Variants in SDK2 observed in about 807,000 individuals in gnomAD.
The protein encoded by SDK2 is sidekick cell adhesion molecule 2.
A neutral mutation model predicts 253.9 loss-of-function variants in SDK2; 105 were observed. The ratio of observed to expected loss-of-function variants is 0.41; its 90% CI spans 0.35 to 0.49. The LOEUF (loss-of-function observed/expected upper bound fraction) is 0.49. SDK2 is among the 20% of genes least tolerant of loss of function. The probability of loss-of-function intolerance (pLI) is 0.06; values close to 1 mark genes in which losing one functional copy is unlikely to be tolerated. For missense variants in SDK2, 2,608 were observed against 3,003.0 expected, an observed-to-expected ratio of 0.87 and a Z score of 3.07; for synonymous variants, 1,249 against 1,234.9, an observed-to-expected ratio of 1.01 and a Z score of -0.24.
intron 40 of SDK2, among the ~76,000 whole-genome samples, chr17:73,355,174 A>ATATATATATATATATATATTTTTTTT: frequency 8.5e-5 from 4 of 47,234 alleles, no homozygotes; most frequent in African/African-American, 4.9e-4. Context: ...ATATATATAT[A>ATATATATATATATATATATTTTTTTT]TTTTTTTTTT....
chr17:73,500,122 CTCCATCCTCCA>C lies in SDK2; in HGVS notation c.224+7305_224+7315del, dbSNP rs556135969. 6.2e-3 allele frequency among the ~76,000 whole-genome samples: 924 copies of C among 148,742 alleles called. 7 individuals carry two copies. The highest frequency in any genetic ancestry group is 0.046 in the Middle Eastern group (13 of 280). ...CTCCGTCCATCCTCCCTCCATTCTC[CTCCATCCTCCA>C]TCCATCCTCCCTCCACTCTCCTCCA... On this transcript the variant is annotated intron_variant, in intron 2 of 44. Coordinates refer to ENST00000392650, the MANE Select transcript of SDK2 (RefSeq NM_001144952.2).
chr17:73,351,471 T>C (rs1189411574), intron 41 of SDK2, among the ~76,000 whole-genome samples: 1 of 152,110 alleles, frequency 6.6e-6, no homozygotes, highest in Non-Finnish European at 1.5e-5. Context: ...CCTAAATCTG[T>C]GTGGGGAAAG....
chr17:73,482,387 G>T (rs2063731276), intron 2 of SDK2, among the ~76,000 whole-genome samples: 1 of 152,230 alleles, frequency 6.6e-6, no homozygotes, highest in Admixed American at 6.5e-5. Flanking sequence ...GCACAACCTG[G>T]GGCTTGCACA....
chr17:73,516,327 G>A lies in SDK2; in HGVS notation c.65-8730C>T, dbSNP rs1427299872. On this transcript the variant is annotated intron_variant, in intron 1 of 44. Transcript: ENST00000392650. ...GCCGAGGGCCCAGGAGGAGGCTGCT[G>A]TGGCCCTGTTCGGCCCCTGCCCTTC... Among the ~76,000 whole-genome samples, 5 of 152,244 alleles carry A rather than the reference G, an allele frequency of 3.3e-5. No homozygotes were observed. In the South Asian group the frequency reaches 1.0e-3, roughly 31 times the overall value.
chr17:73,518,231 GA>G (rs2145780790), intron 1 of SDK2: 1 of 152,126 alleles, frequency 6.6e-6, no homozygotes, highest in South Asian at 2.1e-4. Context: ...CCCTCTGGGG[GA>G]TGACCTTACT....
intron 3 of SDK2, among the ~76,000 whole-genome samples, chr17:73,469,344 C>T (rs531788536): frequency 1.1e-4 from 16 of 152,162 alleles, no homozygotes; most frequent in Non-Finnish European, 1.5e-4. Context: ...CCTTGGAACC[C>T]GCAGTGTGGG....
At chr17:73,603,314 G>A (rs943193512) in intron 1 of SDK2, among the ~76,000 whole-genome samples, 11 of 152,284 alleles carry the variant, frequency 7.2e-5, no homozygotes, top group Middle Eastern at 3.4e-3. Flanking sequence ...CTGGCCATGC[G>A]GGCAGAGGCT....
At chr17:73,610,163 C>A (rs921013947) in intron 1 of SDK2, among the ~76,000 whole-genome samples, 3 of 152,312 alleles carry the variant, frequency 2.0e-5, no homozygotes, top group Admixed American at 2.0e-4. Context: ...TCCAGGGATC[C>A]CCAGTCAGAG....
In SDK2 at chr17:73,541,136, A is replaced by G. The variant is rs1203243897; in HGVS notation, c.65-33539T>C. Reference sequence around the variant, plus strand: ...TCCCGCTACTCCTGGCCAAAGTGGTATGAGCACCCTCAGAGCAGCTGTGAG... The same window carrying G: ...TCCCGCTACTCCTGGCCAAAGTGGTGTGAGCACCCTCAGAGCAGCTGTGAG... On this transcript the variant is annotated intron_variant, in intron 1 of 44. Transcript: ENST00000392650. This position sits in a 1 kb window ranked among gnomAD's most constrained non-coding sequence, Gnocchi z 4.3. 2.0e-5 allele frequency among the ~76,000 whole-genome samples: 3 copies of G among 152,186 alleles called. No homozygotes were observed. The highest frequency in any genetic ancestry group is 4.4e-5 in the Non-Finnish European group (3 of 68,020).
intron 40 of SDK2, among the ~76,000 whole-genome samples, chr17:73,355,172 A>ATTTTTTTTTT (rs1450719562): frequency 1.5e-3 from 34 of 23,328 alleles, no homozygotes; most frequent in South Asian, 3.4e-3. Flanking sequence ...ATATATATAT[A>ATTTTTTTTTT]TATTTTTTTT....
At chr17:73,375,353 C>T (rs1202192367) in intron 36 of SDK2, among the ~76,000 whole-genome samples, 1 of 150,944 alleles carries the variant, frequency 6.6e-6, no homozygotes, top group Non-Finnish European at 1.5e-5. Flanking sequence ...GCACTCCTCC[C>T]ACCTCCCACC....
At chr17:73,619,479 T>C (rs1425809705) in intron 1 of SDK2, among the ~76,000 whole-genome samples, 3 of 152,068 alleles carry the variant, frequency 2.0e-5, no homozygotes, top group African/African-American at 7.2e-5. Flanking sequence ...GTCAGGAAAC[T>C]CAATGGGGAA....
chr17:73,606,403 G>A (rs569876018), intron 1 of SDK2, among the ~76,000 whole-genome samples: 1 of 152,292 alleles, frequency 6.6e-6, no homozygotes, highest in African/African-American at 2.4e-5. Flanking sequence ...GGTGCTTATG[G>A]GTGCTGGGGC....
chr17:73,346,551 C>T (rs1033895099), intron 44 of SDK2, among the ~76,000 whole-genome samples: 8 of 152,186 alleles, frequency 5.3e-5, no homozygotes, highest in Admixed American at 1.3e-4. Flanking sequence ...GTGCCCCCTT[C>T]TCCTGCACCC....
chr17:73,456,087 C>T lies in SDK2; in HGVS notation c.332-34G>A, dbSNP rs538206267. ...GGGACAACGGCAGTAGGATCAGGGG[C>T]GGGAGGTCAGCCTCAGGGACTGCCC... On this transcript the variant is annotated intron_variant, in intron 3 of 44. Transcript: ENST00000392650. 5.8e-5 allele frequency: 84 copies of T among 1,447,800 alleles called. No homozygotes were observed. The East Asian group carries it at 6.8e-4, about 12-fold the overall frequency. 89.7% of individuals were successfully genotyped at this position (1,447,800 alleles called of 1,614,324 possible).
chr17:73,486,074 T>G (rs572922799), intron 2 of SDK2, among the ~76,000 whole-genome samples: 2 of 152,196 alleles, frequency 1.3e-5, no homozygotes, highest in East Asian at 3.9e-4. Context: ...TGGAAAGATG[T>G]CACTGGTGCT....
At chr17:73,617,833 TG>T (rs2046080921) in intron 1 of SDK2, among the ~76,000 whole-genome samples, 1 of 152,198 alleles carries the variant, frequency 6.6e-6, no homozygotes. Flanking sequence ...AAAAGGCCTC[TG>T]GAAGTCATCT....
chr17:73,391,409 C>A, intron 28 of SDK2, 31 bp downstream of exon 28: 1 of 1,234,046 alleles, frequency 8.1e-7, no homozygotes, highest in Admixed American at 3.4e-5. Context: ...CTTCTTCCTG[C>A]AGCCGGGGCA....
intron 3 of SDK2, among the ~76,000 whole-genome samples, chr17:73,464,814 C>T (rs980003504): frequency 6.6e-6 from 1 of 152,354 alleles, no homozygotes; most frequent in East Asian, 1.9e-4. Flanking sequence ...CCAAACCTCT[C>T]GCCCAGCTTC....
Sources: allele counts gnomAD v4.1 joint callset (sites outside exome capture counted in the v4.1 genomes callset), GRCh38; gene constraint gnomAD v4.1.1; non-coding constraint Gnocchi (gnomAD v3.1); transcripts MANE v1.5; gene names NCBI Gene and HGNC (gene_info 2026-07-23, HGNC 2026-07-21).